Variants in GRIK5 observed in about 807,000 individuals in gnomAD.
GRIK5 encodes the protein glutamate receptor ionotropic, kainate 5.
In GRIK5, 43 loss-of-function variants were observed where a neutral mutation model predicts 97.4. The observed-to-expected ratio is 0.44, with a 90% CI of 0.35 to 0.57. The LOEUF is 0.57. Among genes scored for constraint, GRIK5 ranks in the 20% least tolerant of loss-of-function variants. The pLI, the probability that GRIK5 is intolerant of heterozygous loss-of-function variation, is 0.01. For missense variants in GRIK5, 1,015 were observed against 1,382.0 expected, an observed-to-expected ratio of 0.73 and a Z score of 4.21; for synonymous variants, 580 against 583.5, an observed-to-expected ratio of 0.99 and a Z score of 0.09.
chr19:42,014,163 G>A (rs994121089), intron 15 of GRIK5, among the ~76,000 whole-genome samples: 20 of 151,876 alleles, frequency 1.3e-4, no homozygotes, highest in Non-Finnish European at 2.6e-4. Context: ...GGAGTCTGAG[G>A]CGGGTGGATT....
intron 11 of GRIK5, among the ~76,000 whole-genome samples, chr19:42,053,302 G>A (rs1416949531): frequency 6.6e-6 from 1 of 152,224 alleles, no homozygotes; most frequent in South Asian, 2.1e-4. Context: ...GATACATGTT[G>A]TTGGCAAGGG....
chr19:42,022,511 G>T lies in GRIK5; in HGVS notation c.1474-157C>A, dbSNP rs891097391. 2 of 985,022 alleles carry T rather than the reference G, an allele frequency of 2.0e-6. No homozygotes were observed. Among genetic ancestry groups the T allele is most frequent in the African/African-American group, 3.5e-5 (2 of 57,140 alleles). 61.0% of individuals were successfully genotyped at this position (985,022 alleles called of 1,614,324 possible). A position where few individuals can be genotyped will look rare whatever the true frequency, so the allele number is the denominator to read the frequency against. On this transcript the variant is annotated intron_variant, in intron 12 of 19. Transcript: ENST00000593562. This position sits in a 1 kb window ranked among gnomAD's most constrained non-coding sequence, Gnocchi z 4.2. ...CCAGGAGCATGGACTGACTCCAGGA[G>T]CCCACCTTGGGCCTGAAATCGGACC...
chr19:42,023,217 G>A (rs1384304815), intron 12 of GRIK5, among the ~76,000 whole-genome samples: 1 of 151,912 alleles, frequency 6.6e-6, no homozygotes, highest in Non-Finnish European at 1.5e-5. Context: ...GCTAAAGCCG[G>A]GTACGGGAGA....
rs781847777 is a variant in GRIK5 at position 41,999,930 on chromosome 19, C to T, written c.2515-631G>A. Reference sequence around the variant, plus strand: ...AGGAAGACCTCACTGAGAGAAGGATCCTTAAATAAAGACAGGGTGAGCCAC... The same window carrying T: ...AGGAAGACCTCACTGAGAGAAGGATTCTTAAATAAAGACAGGGTGAGCCAC... On this transcript the variant is annotated intron_variant, in intron 19 of 19. Coordinates refer to ENST00000593562, the MANE Select transcript of GRIK5 (RefSeq NM_002088.5). This position sits in a 1 kb window ranked among gnomAD's most constrained non-coding sequence, Gnocchi z 5.0. Among the ~76,000 whole-genome samples, 2 of 152,196 alleles carry T rather than the reference C, an allele frequency of 1.3e-5. No individual in the cohort carries two copies. Among genetic ancestry groups the T allele is most frequent in the Non-Finnish European group, 2.9e-5 (2 of 68,038 alleles).
Position 41,999,049 on chromosome 19 carries a change from G to A in GRIK5, c.2765C>T (p.Ala922Val). 1 of 1,236,284 alleles carries A rather than the reference G, an allele frequency of 8.1e-7. No homozygotes were observed. The highest frequency in any genetic ancestry group is 1.0e-6 in the Non-Finnish European group (1 of 991,898). The allele number at this position is 1,236,284 out of a possible 1,614,324, so 76.6% of individuals were successfully genotyped here. Residue 922 changes from alanine (A) to valine (V), a missense_variant, in exon 20 of 20, where the codon GCC (alanine) becomes GTC (valine). Physicochemically the swap from Ala to Val is moderately conservative, Grantham distance 64 (BLOSUM62 0). Coordinates refer to ENST00000593562, the MANE Select transcript of GRIK5 (RefSeq NM_002088.5). The surrounding 1 kb of genome is among the most constrained non-coding windows in gnomAD (Gnocchi z 5.0). ...DPGPPSGARP[A>V]APTPCTHVRV... is the part of the protein sequence containing the mutation. ...CACGTGGGTGCAGGGGGTGGGGGCG[G>A]CGGGTCGGGCTCCGCTGGGGGGCCC... is the stretch of plus-strand genomic sequence containing the variant.
intron 12 of GRIK5, among the ~76,000 whole-genome samples, chr19:42,023,427 G>A (rs967476779): frequency 2.0e-5 from 3 of 152,164 alleles, no homozygotes; most frequent in African/African-American, 7.2e-5. Context: ...GTGAATTGTC[G>A]TGGAAATCAT....
rs1185019875 is a variant in GRIK5, at chr19:42,021,065, C to T, written c.1871+236G>A. Among the ~76,000 whole-genome samples the T allele has an allele frequency of 6.6e-6, 1 of 152,154 alleles. No individual in the cohort carries two copies. The highest frequency in any genetic ancestry group is 1.5e-5 in the Non-Finnish European group (1 of 68,046). ...ACCCTGAGACATGGGCATCTTTCTC[C>T]CCATCTTTCAGGGAGGTCACTGAGG... On this transcript the variant is annotated intron_variant, in intron 15 of 19. Coordinates refer to ENST00000593562, the MANE Select transcript of GRIK5 (RefSeq NM_002088.5). The surrounding 1 kb of genome is among the most constrained non-coding windows in gnomAD (Gnocchi z 4.2).
rs368722769 is a variant in GRIK5 at position 42,006,672 on chromosome 19, G to A, written c.2010C>T (p.His670=). ...DQTNIEYGTI[H]AGSTMTFFQN... Reference sequence around the variant, plus strand: ...GGAAGAAGGTCATGGTGGAGCCGGCGTGGATGGTGCCATACTCGATGTTGG... The same window carrying A: ...GGAAGAAGGTCATGGTGGAGCCGGCATGGATGGTGCCATACTCGATGTTGG... The change falls in exon 16 of 20, where the codon CAC becomes CAT. Residue 670 remains histidine, a synonymous_variant. Transcript: ENST00000593562. The surrounding 1 kb of genome is among the most constrained non-coding windows in gnomAD (Gnocchi z 5.3). 38 of 1,613,844 alleles carry A rather than the reference G, an allele frequency of 2.4e-5. No homozygotes were observed. The highest frequency in any genetic ancestry group is 8.0e-5 in the African/African-American group (6 of 74,916).
At chr19:42,001,369 C>T (rs1332733958) in intron 19 of GRIK5, among the ~76,000 whole-genome samples, 3 of 152,222 alleles carry the variant, frequency 2.0e-5, no homozygotes, top group African/African-American at 7.2e-5. Context: ...GTTGGGACTA[C>T]AGGTGTCCAC....
At chr19:42,069,147 C>T (rs1039230387) in intron 1 of GRIK5, 94 bp downstream of exon 1, 6 of 402,142 alleles carry the variant, frequency 1.5e-5, no homozygotes, top group South Asian at 9.7e-5. Context: ...GTCCGGAGAA[C>T]GGGGAGAATG....
At chr19:42,055,959 A>C (rs1222590421) in intron 8 of GRIK5, among the ~76,000 whole-genome samples, 1 of 151,724 alleles carries the variant, frequency 6.6e-6, no homozygotes, top group Non-Finnish European at 1.5e-5. Context: ...CTGGGATTAC[A>C]AGTATAAGCC....
intron 6 of GRIK5, among the ~76,000 whole-genome samples, chr19:42,057,728 G>A (rs2076206226): frequency 6.6e-6 from 1 of 152,162 alleles, no homozygotes; most frequent in African/African-American, 2.4e-5. Flanking sequence ...CTGCAAATGT[G>A]TAGGACTCAG....
chr19:42,011,832 G>A (rs952157511), intron 15 of GRIK5, among the ~76,000 whole-genome samples: 1 of 152,048 alleles, frequency 6.6e-6, no homozygotes, highest in Non-Finnish European at 1.5e-5. Context: ...AAATTAGCTG[G>A]GCATGGTAGA....
In GRIK5 at chr19:42,005,748, C is replaced by T; in HGVS notation, c.2238G>A (p.Lys746=). The T allele has an allele frequency of 6.2e-7, 1 of 1,612,952 alleles. No homozygotes were observed. Among genetic ancestry groups the T allele is most frequent in the Non-Finnish European group, 8.5e-7 (1 of 1,178,908 alleles). Residue 746 remains lysine, a synonymous_variant, in exon 17 of 20, where the codon AAG becomes AAA. Transcript: ENST00000593562. ...LTQIGGLLDT[K]GYGIGMPLGS... ...CCAGCGGCATGCCAATGCCGTAGCC[C>T]TTGGTGTCGAGGAGTCCCCCGATCT...
intron 11 of GRIK5, among the ~76,000 whole-genome samples, chr19:42,052,096 G>A (rs2076124340): frequency 6.6e-6 from 1 of 152,176 alleles, no homozygotes; most frequent in African/African-American, 2.4e-5. Context: ...GCACCATACA[G>A]CTTTGGTAAA....
rs759940454 is a variant in GRIK5, at chr19:42,042,792, G to T, written c.1270-37C>A. Reference sequence around the variant, plus strand: ...GAAGAAAGCAGGGGTCAGAGGCTGGGTGTCTAGTGGCTGGGTTGCGGATCC... The same window carrying T: ...GAAGAAAGCAGGGGTCAGAGGCTGGTTGTCTAGTGGCTGGGTTGCGGATCC... On this transcript the variant is annotated intron_variant, in intron 11 of 19. Coordinates refer to ENST00000593562, the MANE Select transcript of GRIK5 (RefSeq NM_002088.5). This position sits in a 1 kb window ranked among gnomAD's most constrained non-coding sequence, Gnocchi z 6.9. 3.9e-6 allele frequency: 6 copies of T among 1,549,480 alleles called. No individual in the cohort carries two copies. In the Admixed American group the frequency reaches 1.1e-4, roughly 27 times the overall value.
chr19:42,022,396 G>A lies in GRIK5; in HGVS notation c.1474-42C>T. The A allele has an allele frequency of 6.4e-7, 1 of 1,569,094 alleles. No individual in the cohort carries two copies. Among genetic ancestry groups the A allele is most frequent in the South Asian group, 1.1e-5 (1 of 89,920 alleles). Reference sequence around the variant, plus strand: ...CGGGCAGGGGTGGAGGGGGACAGAGGGGAAGACAGAAGTGGACAGTTAGAG... The same window carrying A: ...CGGGCAGGGGTGGAGGGGGACAGAGAGGAAGACAGAAGTGGACAGTTAGAG... On this transcript the variant is annotated intron_variant, in intron 12 of 19. Coordinates refer to ENST00000593562, the MANE Select transcript of GRIK5 (RefSeq NM_002088.5). This position sits in a 1 kb window ranked among gnomAD's most constrained non-coding sequence, Gnocchi z 4.2.
intron 6 of GRIK5, among the ~76,000 whole-genome samples, chr19:42,058,736 G>A (rs532952833): frequency 6.8e-6 from 1 of 147,602 alleles, no homozygotes; most frequent in East Asian, 2.0e-4. Context: ...TGACACAGGA[G>A]AATCACTTGA....
chr19:42,045,988 G>A (rs1243225761), intron 11 of GRIK5, among the ~76,000 whole-genome samples: 1 of 152,180 alleles, frequency 6.6e-6, no homozygotes, highest in Non-Finnish European at 1.5e-5. Flanking sequence ...GACCCAGGTT[G>A]GGTATCAAAG....
Sources: gnomAD v4.1 joint callset for allele counts (sites outside exome capture counted in the v4.1 genomes callset) on GRCh38, gnomAD v4.1.1 for gene constraint, Gnocchi (gnomAD v3.1) non-coding constraint, MANE v1.5 for transcripts, NCBI Gene and HGNC (gene_info 2026-07-23, HGNC 2026-07-21) for gene names.